The following HDAC8 variants were observed in gnomAD, a reference collection of about 807,000 sequenced individuals.
HDAC8 encodes the protein histone deacetylase-like 1.
Under a neutral mutation model 32.2 loss-of-function variants are expected in HDAC8, and 1 was observed. That is an observed-to-expected ratio of 0.03 (90% CI 0.01 to 0.15). HDAC8 has a LOEUF of 0.15. Among genes scored for constraint, HDAC8 ranks in the 10% least tolerant of loss-of-function variants. The pLI is 1.00. For missense variants in HDAC8, 117 were observed against 300.0 expected, an observed-to-expected ratio of 0.39 and a Z score of 4.51; for synonymous variants, 108 against 113.9, an observed-to-expected ratio of 0.95 and a Z score of 0.33.
intron 10 of HDAC8, chrX:72,351,231 T>G (rs1487733501): frequency 5.0e-6 from 1 of 200,384 alleles, no homozygotes; most frequent in Non-Finnish European, 9.1e-6. Context: ...TCTCAAGTAT[T>G]TGGGACCACA....
At chrX:72,359,612 C>A (rs73551098) in intron 9 of HDAC8, among the ~76,000 whole-genome samples, 8,514 of 110,839 alleles carry the variant, frequency 0.077, 349 homozygotes, top group South Asian at 0.16. Context: ...GAGGCAGGGT[C>A]AGGACTGAAG....
chrX:72,547,830 A>G (rs912740293), intron 4 of HDAC8, among the ~76,000 whole-genome samples: 2 of 112,265 alleles, frequency 1.8e-5, no homozygotes, highest in Non-Finnish European at 3.8e-5. Flanking sequence ...ATAGCTCAAC[A>G]TAGGTTAGCT....
At chrX:72,365,503 G>A (rs1250139061) in intron 9 of HDAC8, among the ~76,000 whole-genome samples, 1 of 111,697 alleles carries the variant, frequency 9.0e-6, no homozygotes, top group Non-Finnish European at 1.9e-5. Context: ...TGGGGGCTGA[G>A]TAATGAATAA....
intron 7 of HDAC8, chrX:72,468,113 A>G: frequency 1.1e-6 from 1 of 917,656 alleles, no homozygotes; most frequent in African/African-American, 2.0e-5. Flanking sequence ...CAGCTTACAG[A>G]GGGCTGGATT....
At chrX:72,376,218 C>A (rs1194985197) in intron 9 of HDAC8, among the ~76,000 whole-genome samples, 1 of 110,527 alleles carries the variant, frequency 9.0e-6, no homozygotes, top group African/African-American at 3.3e-5. Flanking sequence ...TCTTTATACT[C>A]CTTTTTATTT....
intron 9 of HDAC8, among the ~76,000 whole-genome samples, chrX:72,425,390 A>AT (rs2046611330): frequency 1.8e-5 from 2 of 110,886 alleles, no homozygotes; most frequent in Admixed American, 1.9e-4. Flanking sequence ...GTTTCTGCTT[A>AT]TTTTCCTGTG....
At chrX:72,506,135 C>G (rs914540418) in intron 4 of HDAC8, among the ~76,000 whole-genome samples, 1 of 111,623 alleles carries the variant, frequency 9.0e-6, no homozygotes, top group Admixed American at 9.5e-5. Context: ...GAACTGCAGC[C>G]GACCATGCAT....
chrX:72,475,785 CATAAA>C (rs1302994254), intron 7 of HDAC8, among the ~76,000 whole-genome samples: 27 of 111,594 alleles, frequency 2.4e-4, no homozygotes, highest in African/African-American at 8.8e-4. Context: ...AAAACAAATC[CATAAA>C]ATAAAAGACA....
chrX:72,370,011 G>A (rs1453213900), intron 9 of HDAC8, among the ~76,000 whole-genome samples: 3 of 111,990 alleles, frequency 2.7e-5, no homozygotes, highest in Non-Finnish European at 3.8e-5. Flanking sequence ...CCACTCCACC[G>A]CAAGGTGACA....
At chrX:72,341,400 C>A (rs1555945047) in intron 10 of HDAC8, among the ~76,000 whole-genome samples, 2 of 112,071 alleles carry the variant, frequency 1.8e-5, no homozygotes, top group African/African-American at 6.5e-5. Flanking sequence ...CTGCCACCAC[C>A]ACCACTATCA....
chrX:72,474,061 T>C, intron 7 of HDAC8: 1 of 687,224 alleles, frequency 1.5e-6, no homozygotes, highest in Non-Finnish European at 1.7e-6. Context: ...CTACAATCTC[T>C]GTATATTCAA....
At chrX:72,338,662 A>AATATATATAAATAT (rs2043793399) in intron 10 of HDAC8, among the ~76,000 whole-genome samples, 1 of 78,849 alleles carries the variant, frequency 1.3e-5, no homozygotes, top group African/African-American at 4.4e-5. Flanking sequence ...TATATTTATA[A>AATATATATAAATAT]ATATATATAA....
intron 8 of HDAC8, 89 bp downstream of exon 8, chrX:72,464,470 G>T: frequency 1.3e-6 from 1 of 776,438 alleles, no homozygotes; most frequent in Non-Finnish European, 2.0e-6. Context: ...ATTATCCAAT[G>T]CAAGAAAGCC....
intron 8 of HDAC8, among the ~76,000 whole-genome samples, chrX:72,463,030 T>G (rs2047907957): frequency 8.9e-6 from 1 of 111,760 alleles, no homozygotes. Flanking sequence ...GCTTTTCTAC[T>G]ATTTGAAAGG....
At chrX:72,451,111 A>G in intron 9 of HDAC8, among the ~76,000 whole-genome samples, 1 of 111,966 alleles carries the variant, frequency 8.9e-6, no homozygotes, top group Non-Finnish European at 1.9e-5. Flanking sequence ...CAACCCACAA[A>G]TCCAAGAAGT....
intron 10 of HDAC8, among the ~76,000 whole-genome samples, chrX:72,337,520 G>A (rs1270316733): frequency 9.1e-6 from 1 of 110,112 alleles, no homozygotes; most frequent in Non-Finnish European, 1.9e-5. Context: ...CAAGTCCTGT[G>A]GATTCTACCT....
At chrX:72,471,558 A>T (rs1452949043) in intron 7 of HDAC8, among the ~76,000 whole-genome samples, 1 of 112,418 alleles carries the variant, frequency 8.9e-6, no homozygotes, top group African/African-American at 3.2e-5. Flanking sequence ...GTGGGTGTGA[A>T]GTAGCATCTC....
At chrX:72,460,294 G>A (rs886134878) in intron 9 of HDAC8, among the ~76,000 whole-genome samples, 1 of 110,197 alleles carries the variant, frequency 9.1e-6, no homozygotes, top group Non-Finnish European at 1.9e-5. Flanking sequence ...GCACCACCAC[G>A]CCCAGCTAAT....
intron 4 of HDAC8, among the ~76,000 whole-genome samples, chrX:72,520,992 C>T (rs73498395): frequency 0.084 from 9,421 of 112,050 alleles, 896 homozygotes; most frequent in African/African-American, 0.28. Context: ...TGTCCTGCTA[C>T]TGACAATGCT....
Sources: gnomAD v4.1 joint callset for allele counts (sites outside exome capture counted in the v4.1 genomes callset) on GRCh38, gnomAD v4.1.1 for gene constraint, MANE v1.5 for transcripts, NCBI Gene and HGNC (gene_info 2026-07-23, HGNC 2026-07-21) for gene names.